TEX15: variants seen among roughly 807,000 people sequenced by gnomAD.
TEX15 encodes testis-expressed protein 15.
TEX15 carries 171 observed loss-of-function variants against 237.3 expected under a neutral mutation model. The ratio of observed to expected loss-of-function variants is 0.72; its 90% CI spans 0.64 to 0.82. The LOEUF (loss-of-function observed/expected upper bound fraction) is 0.82, where lower values mean the gene tolerates loss of function less well. TEX15 is among the 40% of genes least tolerant of loss of function. TEX15 has a pLI of 0.00. For missense variants in TEX15, 3,750 were observed against 3,646.5 expected (o/e 1.03, Z -0.73); for synonymous variants, 1,338 against 1,269.8 (o/e 1.05, Z -1.14).
intron 7 of TEX15, among the ~76,000 whole-genome samples, chr8:30,854,194 A>G (rs1158131067): frequency 6.6e-6 from 1 of 150,944 alleles, no homozygotes; most frequent in East Asian, 1.9e-4. Flanking sequence ...TGAAACCAAA[A>G]TTGGTTCTTT....
In TEX15 at chr8:30,838,756, G is replaced by A. The variant is rs567182697; in HGVS notation, c.8223-695C>T. On this transcript the variant is annotated intron_variant, in intron 9 of 10. Transcript: ENST00000643185. Reference sequence around the variant, plus strand: ...CACATACACACATATGTATGTGTATGTGTGTATATATAAAAACATATATAT... The same window carrying A: ...CACATACACACATATGTATGTGTATATGTGTATATATAAAAACATATATAT... Among the ~76,000 whole-genome samples the A allele has an allele frequency of 4.6e-4, 60 of 130,432 alleles. No individual in the cohort carries two copies. In the South Asian group the frequency reaches 0.015, roughly 33 times the overall value. The allele number at this position is 130,432 out of a possible 152,430, so 85.6% of individuals were successfully genotyped here.
At chr8:30,850,845 G>T (rs1807766480) in intron 7 of TEX15, among the ~76,000 whole-genome samples, 1 of 151,914 alleles carries the variant, frequency 6.6e-6, no homozygotes. Flanking sequence ...AGGTCAAAAT[G>T]CATGATAAAC....
chr8:30,909,423 G>T (rs963785231), intron 1 of TEX15, among the ~76,000 whole-genome samples: 68 of 92,520 alleles, frequency 7.3e-4, no homozygotes, highest in Non-Finnish European at 1.2e-3. Context: ...CCCCCCTCAG[G>T]AGCAGCTAGC....
intron 3 of TEX15, among the ~76,000 whole-genome samples, chr8:30,886,693 T>C (rs1808653400): frequency 6.6e-6 from 1 of 152,196 alleles, no homozygotes; most frequent in East Asian, 1.9e-4. Context: ...GGGGTATATT[T>C]AATGTCAAAC....
In TEX15 at chr8:30,848,243, C is replaced by A. The variant is rs1563243825; in HGVS notation, c.1924G>T (p.Glu642Ter). Reference protein sequence around the residue: ...KHEEKQTSWKEIDNDFTNETK... With the variant: ...KHEEKQTSWK ...TCATTAGTGAAATCATTATCAATTT[C>A]TTTCCATGAAGTTTGCTTTTCTTCA... Residue 642 changes from glutamate (E) to a stop codon, truncating the protein, a stop_gained, in exon 8 of 11, where the codon GAA becomes TAA. Transcript: ENST00000643185. LOFTEE classifies it high-confidence loss of function. 2.5e-6 allele frequency: 4 copies of A among 1,612,298 alleles called. No individual in the cohort carries two copies. The highest frequency in any genetic ancestry group is 3.4e-6 in the Non-Finnish European group (4 of 1,179,694).
chr8:30,887,225 A>G lies in TEX15; in HGVS notation c.78T>C (p.Arg26=), dbSNP rs1808670810. The change falls in exon 3 of 11, where the codon CGT becomes CGC. Residue 26 remains arginine, a synonymous_variant. Coordinates refer to ENST00000643185, the MANE Select transcript of TEX15 (RefSeq NM_001350162.2). ...SSTSKPVLNT[R]EVNPLKKFTI... Reference sequence around the variant, plus strand: ...TGAATTTCTTCAAAGGATTGACTTCACGAGTATTCAACACGGGTTTGCTAG... The same window carrying G: ...TGAATTTCTTCAAAGGATTGACTTCGCGAGTATTCAACACGGGTTTGCTAG... 6.5e-7 allele frequency: 1 copy of G among 1,535,826 alleles called. No individual in the cohort carries two copies.
In TEX15 at chr8:30,844,542, T is replaced by C. The variant is rs1384212102; in HGVS notation, c.5625A>G (p.Gln1875=). Residue 1875 remains glutamine (Q), a synonymous_variant, in exon 8 of 11, where the codon CAA becomes CAG. Coordinates refer to ENST00000643185, the MANE Select transcript of TEX15 (RefSeq NM_001350162.2). Reference sequence around the variant, plus strand: ...AGGATTCTTCTGAGATCTGATTCTTTTGATTTTTGTACTCAGTATTAACAG... The same window carrying C: ...AGGATTCTTCTGAGATCTGATTCTTCTGATTTTTGTACTCAGTATTAACAG... ...GSTVNTEYKN[Q]KNQISEESCL... 2 of 1,612,362 alleles carry C rather than the reference T, an allele frequency of 1.2e-6. No homozygotes were observed. The highest frequency in any genetic ancestry group is 1.6e-4 in the Middle Eastern group (1 of 6,072).
chr8:30,895,367 G>C (rs939595283), intron 2 of TEX15, among the ~76,000 whole-genome samples: 2 of 151,466 alleles, frequency 1.3e-5, no homozygotes, highest in African/African-American at 4.8e-5. Flanking sequence ...GGTACTGAAG[G>C]GGTAAAGTTA....
intron 2 of TEX15, chr8:30,888,664 T>C (rs1167082250): frequency 1.6e-6 from 2 of 1,289,154 alleles, no homozygotes; most frequent in East Asian, 5.5e-5. Context: ...ATGGCCCTCC[T>C]GACACCTATC....
chr8:30,842,290 C>T lies in TEX15; in HGVS notation c.7877G>A (p.Cys2626Tyr), dbSNP rs751912609. Residue 2626 changes from cysteine to tyrosine, a missense_variant, in exon 8 of 11, where the codon TGT (cysteine) becomes TAT (tyrosine). Transcript: ENST00000643185. ...MKTIEHMKMI[C>Y]TKNAELTISF... Reference sequence around the variant, plus strand: ...AATGGTTAGTTCAGCATTTTTAGTACATATCATCTTCATATGTTCAATCGT... The same window carrying T: ...AATGGTTAGTTCAGCATTTTTAGTATATATCATCTTCATATGTTCAATCGT... 2 of 1,613,736 alleles carry T rather than the reference C, an allele frequency of 1.2e-6. No individual in the cohort carries two copies. Among genetic ancestry groups the T allele is most frequent in the Non-Finnish European group, 1.7e-6 (2 of 1,179,828 alleles).
intron 3 of TEX15, among the ~76,000 whole-genome samples, chr8:30,876,810 T>C (rs1227820952): frequency 2.0e-5 from 3 of 152,164 alleles, no homozygotes; most frequent in African/African-American, 7.2e-5. Context: ...AGATCTCATC[T>C]TGTAGTTCCC....
At chr8:30,889,350 G>A (rs1252018232) in intron 2 of TEX15, among the ~76,000 whole-genome samples, 1 of 152,170 alleles carries the variant, frequency 6.6e-6, no homozygotes, top group Non-Finnish European at 1.5e-5. Context: ...TAATCGGGAG[G>A]CTGAGGCAGA....
intron 7 of TEX15, among the ~76,000 whole-genome samples, chr8:30,857,733 G>A (rs1807941623): frequency 6.6e-6 from 1 of 152,182 alleles, no homozygotes. Context: ...ACCTACTAGT[G>A]TAGCAAAAAC....
chr8:30,900,315 C>T (rs1445872619), intron 1 of TEX15, among the ~76,000 whole-genome samples: 1 of 152,138 alleles, frequency 6.6e-6, no homozygotes, highest in Non-Finnish European at 1.5e-5. Context: ...AAATGAGAGA[C>T]TGGCATATAA....
chr8:30,895,561 T>C (rs977042297), intron 2 of TEX15, among the ~76,000 whole-genome samples: 28 of 150,832 alleles, frequency 1.9e-4, no homozygotes, highest in Non-Finnish European at 1.8e-4. Flanking sequence ...ATTAGATCTT[T>C]TTTTTTTTTT....
chr8:30,880,662 C>G (rs540817960), intron 3 of TEX15, among the ~76,000 whole-genome samples: 1 of 152,126 alleles, frequency 6.6e-6, no homozygotes, highest in Admixed American at 6.5e-5. Context: ...GCATATAATA[C>G]GTACATAAAA....
At position 30,849,195 on chromosome 8, in the gene TEX15, T is replaced by G. The variant is rs771678114; in HGVS notation, c.972A>C (p.Leu324Phe). ...TTATCTCTGAATTTAGTGCATTGCA[T>G]AAACAGTTTTCTTGAACAAATGGAT... ...PVDPFVQENC[L>F]CNALNSEINP... The change falls in exon 8 of 11, where the codon TTA becomes TTC. Residue 324 changes from leucine (L) to phenylalanine (F), a missense_variant. Leu to Phe is a conservative substitution (Grantham distance 22). Transcript: ENST00000643185. 1.3e-6 allele frequency: 2 copies of G among 1,537,862 alleles called. No individual in the cohort carries two copies. The highest frequency in any genetic ancestry group is 2.4e-5 in the South Asian group (2 of 84,302).
In TEX15 at chr8:30,846,106, T is replaced by C. The variant is rs1807597660; in HGVS notation, c.4061A>G (p.Glu1354Gly). The part of the protein sequence containing the change: ...QGRIKTFSQS[E>G]KHIKSVLNIL... ...ATTTAGGACACTCTTAATGTGCTTT[T>C]CTGACTGTGAAAATGTTTTAATTCG... Residue 1354 changes from glutamate to glycine, a missense_variant, in exon 8 of 11, where the codon GAA becomes GGA. Coordinates refer to ENST00000643185, the MANE Select transcript of TEX15 (RefSeq NM_001350162.2). The C allele has an allele frequency of 1.2e-6, 2 of 1,613,414 alleles. No homozygotes were observed. Among genetic ancestry groups the C allele is most frequent in the Admixed American group, 1.7e-5 (1 of 59,974 alleles).
At chr8:30,912,564 G>T (rs73228653) in intron 1 of TEX15, among the ~76,000 whole-genome samples, 10,194 of 152,246 alleles carry the variant, frequency 0.067, 464 homozygotes, top group Middle Eastern at 0.1. Flanking sequence ...GCTCCGTGGG[G>T]CTCAGCGGGG....
Sources: gnomAD v4.1 joint callset for allele counts (sites outside exome capture counted in the v4.1 genomes callset) on GRCh38, gnomAD v4.1.1 for gene constraint, MANE v1.5 for transcripts, NCBI Gene and HGNC (gene_info 2026-07-23, HGNC 2026-07-21) for gene names.